Variants in CFAP161 observed in about 807,000 individuals in gnomAD.
CFAP161 encodes the protein cilia- and flagella-associated protein 161.
CFAP161 carries 25 observed loss-of-function variants against 29.0 expected under a neutral mutation model. That is an observed-to-expected ratio of 0.86 (90% CI 0.63 to 1.20). The LOEUF (loss-of-function observed/expected upper bound fraction) is 1.20. Ranked by LOEUF, CFAP161 falls within the 50% of genes most tolerant of loss-of-function variation. The pLI, the probability that CFAP161 is intolerant of heterozygous loss-of-function variation, is 0.00. For missense variants in CFAP161, 367 were observed against 371.9 expected (o/e 0.99, Z 0.11); for synonymous variants, 116 against 137.4 (o/e 0.84, Z 1.09).
Position 81,101,830 on chromosome 15 carries a change from C to A in CFAP161, c.-141-25760C>A, listed in dbSNP as rs557526508. ...GTTGTCCTCTGGCAGGGATGCTTTG[C>A]AATGCTGTTTGATTGCAATGACATC... On this transcript the variant is annotated intron_variant, in intron 1 of 4. Coordinates refer to the CFAP161 transcript ENST00000560091. Among the ~76,000 whole-genome samples the A allele has an allele frequency of 1.1e-4, 17 of 152,198 alleles. No individual in the cohort carries two copies. In the South Asian group the frequency reaches 3.5e-3, roughly 32 times the overall value.
upstream of CFAP161, chr15:81,134,179 C>G (rs1045059815): frequency 4.6e-6 from 4 of 866,068 alleles, no homozygotes; most frequent in African/African-American, 5.1e-5. Context: ...GACGCCCCAT[C>G]TCCCGCCCCA....
At chr15:81,143,597 G>C (rs1412715323) in intron 4 of CFAP161, 65 bp from the exon 5 acceptor site, 1 of 1,525,292 alleles carries the variant, frequency 6.6e-7, no homozygotes, top group Non-Finnish European at 8.9e-7. Context: ...CCAGTCAATT[G>C]CTTCTTTATT....
chr15:81,140,023 C>T (rs929611222), intron 4 of CFAP161, among the ~76,000 whole-genome samples: 3 of 151,840 alleles, frequency 2.0e-5, no homozygotes, highest in African/African-American at 7.3e-5. Context: ...TTCTCTTTCC[C>T]TTATCTCTTC....
intron 1 of CFAP161, among the ~76,000 whole-genome samples, chr15:81,109,635 T>G (rs1894416767): frequency 6.6e-6 from 1 of 152,124 alleles, no homozygotes; most frequent in Non-Finnish European, 1.5e-5. Flanking sequence ...GTCCAGGAGT[T>G]TGAGGCTGTG....
At chr15:81,134,512 C>T in intron 1 of CFAP161, 114 bp downstream of exon 1, 1 of 1,030,992 alleles carries the variant, frequency 9.7e-7, no homozygotes. Context: ...CAGCATACAG[C>T]GAATACCTCT....
chr15:81,118,556 C>T (rs1012335418), intron 1 of CFAP161, among the ~76,000 whole-genome samples: 42 of 152,226 alleles, frequency 2.8e-4, no homozygotes, highest in African/African-American at 8.7e-4. Flanking sequence ...GCAGCGCCAC[C>T]TGGCCCCGCG....
intron 1 of CFAP161, among the ~76,000 whole-genome samples, chr15:81,111,520 G>A (rs1427270085): frequency 6.6e-6 from 1 of 152,216 alleles, no homozygotes; most frequent in African/African-American, 2.4e-5. Context: ...GCAATGGCCT[G>A]TAGCCCCAGC....
At position 81,148,370 on chromosome 15, in the gene CFAP161, C is replaced by T; in HGVS notation, c.743C>T (p.Ala248Val). Residue 248 changes from alanine (A) to valine (V), a missense_variant, in exon 7 of 7, where the codon GCT (alanine) becomes GTT (valine). By Grantham distance (64) the Ala-to-Val change is moderately conservative. Coordinates refer to ENST00000286732, the MANE Select transcript of CFAP161 (RefSeq NM_173528.4). ...TTTGGAAAGGAGGCTGAGGTTGTAGCTCACACATACCTGGATTCACATAGA... is the reference window on the plus strand; with the variant it reads ...TTTGGAAAGGAGGCTGAGGTTGTAGTTCACACATACCTGGATTCACATAGA... ...TYFGKEAEVV[A>V]HTYLDSHRVE... is the part of the protein sequence containing the mutation. 6.2e-7 allele frequency: 1 copy of T among 1,613,854 alleles called. No individual in the cohort carries two copies. Among genetic ancestry groups the T allele is most frequent in the Non-Finnish European group, 8.5e-7 (1 of 1,179,732 alleles).
chr15:81,127,920 G>A (rs1894661187), intron 2 of CFAP161, among the ~76,000 whole-genome samples: 1 of 152,168 alleles, frequency 6.6e-6, no homozygotes. Flanking sequence ...GTGTATTCAG[G>A]GAGGTAAAGA....
intron 1 of CFAP161, among the ~76,000 whole-genome samples, chr15:81,111,445 C>A (rs1485797717): frequency 6.6e-6 from 1 of 152,240 alleles, no homozygotes; most frequent in Admixed American, 6.5e-5. Flanking sequence ...GGCATCACCT[C>A]TCCTGGGGCT....
intron 1 of CFAP161, 37 bp from the exon 2 acceptor site, chr15:81,135,233 T>C (rs1372946340): frequency 1.4e-6 from 2 of 1,437,154 alleles, no homozygotes; most frequent in East Asian, 2.3e-5. Flanking sequence ...CTAACATCTA[T>C]ATTATTCAGG....
At chr15:81,123,685 T>G (rs999551748) in intron 1 of CFAP161, among the ~76,000 whole-genome samples, 7 of 152,216 alleles carry the variant, frequency 4.6e-5, no homozygotes, top group African/African-American at 1.7e-4. Flanking sequence ...AGAATGTTTT[T>G]CCATTTGTTG....
At position 81,147,946 on chromosome 15, in the gene CFAP161, G is replaced by A. The variant is rs187306821; in HGVS notation, c.710+15G>A. 2 of 1,592,424 alleles carry A rather than the reference G, an allele frequency of 1.3e-6. No homozygotes were observed. Among genetic ancestry groups the A allele is most frequent in the African/African-American group, 2.7e-5 (2 of 74,098 alleles). On this transcript the variant is annotated intron_variant, in intron 6 of 6. Coordinates refer to ENST00000286732, the MANE Select transcript of CFAP161 (RefSeq NM_173528.4). ...CTTTTCTTAAGGTATTGTATTTCAG[G>A]GTACAACAAAATGCTGTGATTGGGG...
intron 6 of CFAP161, 92 bp downstream of exon 6, chr15:81,148,023 A>G (rs1895039545): frequency 9.6e-7 from 1 of 1,042,484 alleles, no homozygotes; most frequent in Non-Finnish European, 1.4e-6. Flanking sequence ...GTATGGCTGC[A>G]CATACAAAAA....
chr15:81,142,896 A>G (rs1348253779), intron 4 of CFAP161, among the ~76,000 whole-genome samples: 5 of 152,176 alleles, frequency 3.3e-5, no homozygotes, highest in East Asian at 3.8e-4. Context: ...ATGGACATCA[A>G]TTCCAGAGGG....
Position 81,118,768 on chromosome 15 carries a change from G to A in CFAP161, c.-141-8822G>A, listed in dbSNP as rs558123256. Among the ~76,000 whole-genome samples the A allele has an allele frequency of 2.2e-3, 342 of 152,342 alleles. 3 individuals carry two copies. The highest frequency in any genetic ancestry group is 7.6e-3 in the African/African-American group (314 of 41,584). On this transcript the variant is annotated intron_variant, in intron 1 of 4. Coordinates refer to the CFAP161 transcript ENST00000560091. ...CGCCCCAAACCACCCAAGAGAGAAT[G>A]TATTTTTATTGAACTTATATAAATA...
intron 1 of CFAP161, among the ~76,000 whole-genome samples, chr15:81,124,631 C>T (rs977780029): frequency 1.3e-5 from 2 of 152,128 alleles, no homozygotes; most frequent in African/African-American, 4.8e-5. Flanking sequence ...AGATGTGAAT[C>T]CATCTGCTCC....
At chr15:81,116,444 C>T (rs1894499531) in intron 1 of CFAP161, among the ~76,000 whole-genome samples, 1 of 152,210 alleles carries the variant, frequency 6.6e-6, no homozygotes, top group African/African-American at 2.4e-5. Context: ...CAGGCGCACG[C>T]CATAACGCCC....
intron 6 of CFAP161, among the ~76,000 whole-genome samples, 193 bp from the exon 7 acceptor site, chr15:81,148,145 A>G (rs1263287605): frequency 6.6e-6 from 1 of 152,186 alleles, no homozygotes; most frequent in African/African-American, 2.4e-5. Context: ...TTTGGTTCTA[A>G]TGGGATCCTA....
Sources: allele counts gnomAD v4.1 joint callset (sites outside exome capture counted in the v4.1 genomes callset), GRCh38; gene constraint gnomAD v4.1.1; transcripts MANE v1.5; gene names NCBI Gene and HGNC (gene_info 2026-07-23, HGNC 2026-07-21).